Variants in ZFAND4 observed in about 807,000 individuals in gnomAD.
The protein encoded by ZFAND4 is zinc finger AN1-type containing 4.
ZFAND4 carries 43 observed loss-of-function variants against 64.4 expected under a neutral mutation model. The observed-to-expected ratio is 0.67, with a 90% confidence interval of 0.52 to 0.86. ZFAND4 has a LOEUF of 0.86. Among genes scored for constraint, ZFAND4 ranks in the 40% least tolerant of loss-of-function variants. The pLI is 0.00. For synonymous variants in ZFAND4, 296 were observed against 305.7 expected (o/e 0.97, Z 0.33); for missense variants, 929 against 859.8 (o/e 1.08, Z -1.01).
rs767070762 is a variant in ZFAND4, at chr10:45,618,269, A to C, written c.1928-9T>G. On this transcript the variant is annotated splice_polypyrimidine_tract_variant and intron_variant, in intron 8 of 9. Coordinates refer to ENST00000344646, the MANE Select transcript of ZFAND4 (RefSeq NM_174890.4). ...ATGAGTAGTACATTCTCCTGTTTAG[A>C]GAAAGGACACCTTGATTAACACAGG... 6.2e-7 allele frequency: 1 copy of C among 1,609,168 alleles called. No individual in the cohort carries two copies. Among genetic ancestry groups the C allele is most frequent in the Non-Finnish European group, 8.5e-7 (1 of 1,178,720 alleles).
chr10:45,649,259 G>A (rs1564610860), intron 4 of ZFAND4, among the ~76,000 whole-genome samples: 1 of 151,898 alleles, frequency 6.6e-6, no homozygotes, highest in Non-Finnish European at 1.5e-5. Context: ...TTATATAAAG[G>A]CTGATTCTTA....
intron 6 of ZFAND4, among the ~76,000 whole-genome samples, chr10:45,631,601 G>T (rs1323791657): frequency 6.6e-6 from 1 of 151,886 alleles, no homozygotes; most frequent in African/African-American, 2.4e-5. Flanking sequence ...TTTCTCAATG[G>T]CAATATAAAA....
At chr10:45,620,881 A>G (rs1393396788) in intron 8 of ZFAND4, 3 of 152,188 alleles carry the variant, frequency 2.0e-5, no homozygotes, top group African/African-American at 7.2e-5. Context: ...AGACATCATC[A>G]ATTATCAACT....
At chr10:45,620,298 T>C (rs1214548660) in intron 8 of ZFAND4, among the ~76,000 whole-genome samples, 1 of 152,100 alleles carries the variant, frequency 6.6e-6, no homozygotes, top group Non-Finnish European at 1.5e-5. Flanking sequence ...CAGGCCAACA[T>C]GGTAAAACTC....
chr10:45,659,899 C>T (rs1000411868), intron 2 of ZFAND4, among the ~76,000 whole-genome samples: 4 of 152,032 alleles, frequency 2.6e-5, no homozygotes, highest in African/African-American at 7.2e-5. Context: ...CAACAGAGGC[C>T]GGGCGCGGTG....
At chr10:45,636,647 AAAG>A (rs2133668398) in intron 6 of ZFAND4, among the ~76,000 whole-genome samples, 1 of 152,274 alleles carries the variant, frequency 6.6e-6, no homozygotes, top group East Asian at 1.9e-4. Flanking sequence ...AAAAAAAAAA[AAAG>A]AAAATTGAAC....
intron 6 of ZFAND4, among the ~76,000 whole-genome samples, chr10:45,631,040 C>T (rs530067667): frequency 1.1e-4 from 16 of 151,744 alleles, no homozygotes; most frequent in African/African-American, 3.1e-4. Flanking sequence ...CTCCAAAGGC[C>T]GGGCGCGGTG....
At chr10:45,644,102 C>A (rs1170092917) in intron 5 of ZFAND4, among the ~76,000 whole-genome samples, 1 of 152,190 alleles carries the variant, frequency 6.6e-6, no homozygotes, top group Non-Finnish European at 1.5e-5. Flanking sequence ...CGTTGCTCTA[C>A]ACTGTGATAT....
At chr10:45,669,281 A>G (rs1230430806) in intron 1 of ZFAND4, among the ~76,000 whole-genome samples, 1 of 152,222 alleles carries the variant, frequency 6.6e-6, no homozygotes. Flanking sequence ...GAAAATCTAG[A>G]AGAAATTGAT....
intron 2 of ZFAND4, chr10:45,662,500 A>G: frequency 7.2e-6 from 5 of 696,468 alleles, no homozygotes; most frequent in Non-Finnish European, 8.8e-6. Flanking sequence ...TCATGCTCCA[A>G]AAAAGGTATC....
At chr10:45,632,354 T>A (rs1038369808) in intron 6 of ZFAND4, among the ~76,000 whole-genome samples, 1 of 152,122 alleles carries the variant, frequency 6.6e-6, no homozygotes, top group African/African-American at 2.4e-5. Flanking sequence ...CAAGACTCCA[T>A]CTCAAAATAA....
intron 2 of ZFAND4, among the ~76,000 whole-genome samples, chr10:45,657,928 G>A (rs2048238465): frequency 6.6e-6 from 1 of 152,196 alleles, no homozygotes; most frequent in Non-Finnish European, 1.5e-5. Context: ...TAGGGGCTTG[G>A]AATAGAGGAA....
chr10:45,638,978 A>C (rs1589324380), intron 6 of ZFAND4, among the ~76,000 whole-genome samples: 1 of 152,328 alleles, frequency 6.6e-6, no homozygotes, highest in Admixed American at 6.5e-5. Context: ...TTATGAGGAA[A>C]CATTCTGGAG....
intron 2 of ZFAND4, among the ~76,000 whole-genome samples, chr10:45,657,484 C>G (rs1214169530): frequency 6.6e-6 from 1 of 152,118 alleles, no homozygotes; most frequent in African/African-American, 2.4e-5. Flanking sequence ...TTATGTATTA[C>G]TCATACAAAC....
chr10:45,651,805 T>C (rs914568872), intron 4 of ZFAND4, among the ~76,000 whole-genome samples, 161 bp downstream of exon 4: 3 of 152,236 alleles, frequency 2.0e-5, no homozygotes, highest in African/African-American at 7.2e-5. Context: ...TTCCAGCCTC[T>C]AGGCATTTAG....
chr10:45,627,188 C>T, intron 6 of ZFAND4, 83 bp from the exon 7 acceptor site: 1 of 1,104,130 alleles, frequency 9.1e-7, no homozygotes, highest in South Asian at 1.9e-5. Flanking sequence ...GAAAATGTTA[C>T]TTACCATAAC....
chr10:45,630,953 C>A (rs1308909052), intron 6 of ZFAND4, among the ~76,000 whole-genome samples: 3 of 143,618 alleles, frequency 2.1e-5, no homozygotes, highest in African/African-American at 7.8e-5. Flanking sequence ...ACTGCAAGAC[C>A]CTGTCTTTAA....
Position 45,626,054 on chromosome 10 carries a change from C to T in ZFAND4, c.1769G>A (p.Arg590Lys). The change falls in exon 7 of 10, where the codon AGG becomes AAG. Residue 590 changes from arginine (R) to lysine (K), a missense_variant. Physicochemically the swap from Arg to Lys is conservative, Grantham distance 26. Transcript: ENST00000344646. ...NRLQSTRGAG[R>K]LQNSGTGLST... ...CAGCCCAGTTCCAGAGTTCTGAAGC[C>T]TGCCTGCCCCACGTGTGCTCTGTAA... 1 of 1,614,110 alleles carries T rather than the reference C, an allele frequency of 6.2e-7. No homozygotes were observed. The highest frequency in any genetic ancestry group is 8.5e-7 in the Non-Finnish European group (1 of 1,180,032).
Position 45,624,262 on chromosome 10 carries a change from C to T in ZFAND4, c.1927+321G>A, listed in dbSNP as rs115794033. ...ATCTTTCTAGGGTAATTCTTCAAAA[C>T]CCACATGGCTCTAGAGTGGCCAGCA... is the stretch of plus-strand genomic sequence containing the variant. On this transcript the variant is annotated intron_variant, in intron 8 of 9. Transcript: ENST00000344646. Among the ~76,000 whole-genome samples the T allele has an allele frequency of 4.6e-3, 697 of 152,338 alleles. 5 individuals carry two copies. The highest frequency in any genetic ancestry group is 0.016 in the African/African-American group (659 of 41,576).
Sources: allele counts gnomAD v4.1 joint callset (sites outside exome capture counted in the v4.1 genomes callset), GRCh38; gene constraint gnomAD v4.1.1; transcripts MANE v1.5; gene names NCBI Gene and HGNC (gene_info 2026-07-23, HGNC 2026-07-21).